The following ITGAL variants were observed in gnomAD, a reference collection of about 807,000 sequenced individuals.
ITGAL encodes integrin subunit alpha L, also known as integrin alpha-L.
A neutral mutation model predicts 138.4 loss-of-function variants in ITGAL; 68 were observed. The observed-to-expected ratio is 0.49, with a 90% CI of 0.40 to 0.60. The LOEUF (loss-of-function observed/expected upper bound fraction) is 0.60. Among genes scored for constraint, ITGAL ranks in the 20% least tolerant of loss-of-function variants. The pLI, the probability that ITGAL is intolerant of heterozygous loss-of-function variation, is 0.00. For synonymous variants in ITGAL, 561 were observed against 584.3 expected, an observed-to-expected ratio of 0.96 and a Z score of 0.57; for missense variants, 1,256 against 1,478.6, an observed-to-expected ratio of 0.85 and a Z score of 2.47.
rs2050768979 is a variant in ITGAL, at chr16:30,494,285, C to G, written c.1287C>G (p.His429Gln). The G allele has an allele frequency of 6.2e-7, 1 of 1,613,600 alleles. No homozygotes were observed. The change falls in exon 12 of 31, where the codon CAC (histidine) becomes CAG (glutamine). Residue 429 changes from histidine to glutamine, a missense_variant. By Grantham distance (24) the His-to-Gln change is conservative. Coordinates refer to ENST00000356798, the MANE Select transcript of ITGAL (RefSeq NM_002209.3). This position sits in a 1 kb window ranked among gnomAD's most constrained non-coding sequence, Gnocchi z 4.2. ...CCTCGGGAGCCCCTCGATACCAGCA[C>G]ATGGGCCGAGTGCTGCTGTTCCAAG... The part of the protein sequence containing the change: ...LLASGAPRYQ[H>Q]MGRVLLFQEP...
chr16:30,511,414 G>A (rs930751007), intron 24 of ITGAL, among the ~76,000 whole-genome samples: 3 of 152,216 alleles, frequency 2.0e-5, no homozygotes, highest in African/African-American at 4.8e-5. Flanking sequence ...GCTGCACTGC[G>A]CAGTTGCTGA....
At position 30,510,439 on chromosome 16, in the gene ITGAL, G is replaced by A. The variant is rs1373646274; in HGVS notation, c.2587G>A (p.Val863Met). 6.2e-7 allele frequency: 1 copy of A among 1,612,124 alleles called. No individual in the cohort carries two copies. The highest frequency in any genetic ancestry group is 1.7e-5 in the Admixed American group (1 of 60,006). The change falls in exon 22 of 31, where the codon GTG (valine) becomes ATG (methionine). Residue 863 changes from valine (V) to methionine (M), a missense_variant. Val to Met is a conservative substitution (Grantham distance 21). This residue lies in a region of ITGAL where 867 missense variants were observed against 972.5 expected (regional missense o/e 0.89). Coordinates refer to ENST00000356798, the MANE Select transcript of ITGAL (RefSeq NM_002209.3). ...TCTGTCCAGGGCATTATCTTGCAAT[G>A]TGAGCTCTCCCATCTTCAAAGCAGG... Reference protein sequence around the residue: ...RLLSRALSCNVSSPIFKAGHS... With the variant: ...RLLSRALSCNMSSPIFKAGHS...
At chr16:30,499,733 A>ATATATATT in intron 17 of ITGAL, among the ~76,000 whole-genome samples, 2 of 88,388 alleles carry the variant, frequency 2.3e-5, no homozygotes, top group Non-Finnish European at 3.8e-5. Flanking sequence ...ATATATATAT[A>ATATATATT]TTTTTTTTTT....
chr16:30,509,103 G>A (rs1280375805), intron 21 of ITGAL, among the ~76,000 whole-genome samples: 1 of 151,530 alleles, frequency 6.6e-6, no homozygotes, highest in African/African-American at 2.4e-5. Flanking sequence ...CTTGAACCCA[G>A]GAGGTGGAGG....
intron 17 of ITGAL, among the ~76,000 whole-genome samples, chr16:30,499,711 ATG>A (rs375717960): frequency 1.1e-5 from 1 of 93,824 alleles, no homozygotes; most frequent in Admixed American, 1.4e-4. Flanking sequence ...ATATATATAT[ATG>A]TATATATATA....
At chr16:30,514,081 G>A (rs2051131170) in intron 25 of ITGAL, among the ~76,000 whole-genome samples, 1 of 152,170 alleles carries the variant, frequency 6.6e-6, no homozygotes, top group Non-Finnish European at 1.5e-5. Context: ...AGAGCAAGGA[G>A]GATGCTGAGA....
rs2051079172 is a variant in ITGAL, at chr16:30,510,870, T to C, written c.2620-11T>C. 9 of 1,612,870 alleles carry C rather than the reference T, an allele frequency of 5.6e-6. No homozygotes were observed. The South Asian group carries it at 7.7e-5, about 14-fold the overall frequency. On this transcript the variant is annotated splice_polypyrimidine_tract_variant and intron_variant, in intron 22 of 30. Transcript: ENST00000356798. ...CCCTTCCATTTCCATTGCCCTCTCCTTTCCTGCCAGGTTGCTCTGCAGATG... is the reference window on the plus strand; with the variant it reads ...CCCTTCCATTTCCATTGCCCTCTCCCTTCCTGCCAGGTTGCTCTGCAGATG...
chr16:30,518,627 T>C lies in ITGAL; in HGVS notation c.3136T>C (p.Ser1046Pro), dbSNP rs2051206973. 8.1e-6 allele frequency: 13 copies of C among 1,612,598 alleles called. No individual in the cohort carries two copies. The highest frequency in any genetic ancestry group is 9.3e-6 in the Non-Finnish European group (11 of 1,178,640). ...ACGCCTTTCCCCGCTCCCACAGGCC[T>C]CTTCCATGTTCAGCCTCTGCAGCTC... ...TLELVGEIEA[S>P]SMFSLCSSLS... is the part of the protein sequence containing the mutation. Residue 1046 changes from serine to proline, a missense_variant, in exon 29 of 31, where the codon TCT (serine) becomes CCT (proline). Ser to Pro is a moderately conservative substitution (Grantham distance 74). Coordinates refer to ENST00000356798, the MANE Select transcript of ITGAL (RefSeq NM_002209.3).
chr16:30,493,588 T>C (rs1464878393), intron 11 of ITGAL, among the ~76,000 whole-genome samples: 2 of 152,224 alleles, frequency 1.3e-5, no homozygotes, highest in South Asian at 4.1e-4. Flanking sequence ...CCATTTTAAT[T>C]TATTATTTAA....
intron 8 of ITGAL, 28 bp downstream of exon 8, chr16:30,483,987 T>C (rs2151147224): frequency 6.2e-7 from 1 of 1,603,826 alleles, no homozygotes; most frequent in Non-Finnish European, 8.5e-7. Context: ...TCCTGCATCA[T>C]ATCTTCCCTC....
intron 9 of ITGAL, 28 bp downstream of exon 9, chr16:30,484,291 C>G: frequency 6.3e-7 from 1 of 1,598,136 alleles, no homozygotes. Flanking sequence ...GGAGAGGGCT[C>G]GGGAGTCTGC....
intron 17 of ITGAL, 159 bp downstream of exon 17, chr16:30,499,648 A>C: frequency 2.6e-6 from 1 of 388,168 alleles, no homozygotes; most frequent in East Asian, 4.5e-5. Context: ...ATTTTCTTCT[A>C]GTGTTTTTTT....
intron 21 of ITGAL, among the ~76,000 whole-genome samples, chr16:30,509,987 C>T (rs2051064454): frequency 6.6e-6 from 1 of 151,688 alleles, no homozygotes; most frequent in Admixed American, 6.6e-5. Context: ...TGCAGTGACC[C>T]GAGATCGCAC....
intron 17 of ITGAL, among the ~76,000 whole-genome samples, chr16:30,501,545 C>G: frequency 6.8e-6 from 1 of 147,568 alleles, no homozygotes; most frequent in Non-Finnish European, 1.5e-5. Context: ...CCATTGCACT[C>G]CAGCCTGAGC....
chr16:30,496,656 T>C (rs2050805394), intron 15 of ITGAL, 90 bp downstream of exon 15: 9 of 1,254,412 alleles, frequency 7.2e-6, no homozygotes, highest in South Asian at 2.0e-5. Context: ...TTTGGTTTTT[T>C]TTAGAGACAG....
rs2050972035 is a variant in ITGAL at position 30,505,391 on chromosome 16, C to T, written c.2295C>T (p.Ile765=). 1 of 1,613,900 alleles carries T rather than the reference C, an allele frequency of 6.2e-7. No homozygotes were observed. Among genetic ancestry groups the T allele is most frequent in the Non-Finnish European group, 8.5e-7 (1 of 1,179,946 alleles). The change falls in exon 20 of 31, where the codon ATC becomes ATT. Residue 765 remains isoleucine, a splice_region_variant and synonymous_variant. Transcript: ENST00000356798. The part of the protein sequence containing the change: ...RPSLHSETWE[I]PFEKNCGEDK... ...CTCCTTTCTTCTTGGTGTTTCAGATCCCTTTTGAGAAGAACTGTGGGGAGG... is the reference window on the plus strand; with the variant it reads ...CTCCTTTCTTCTTGGTGTTTCAGATTCCTTTTGAGAAGAACTGTGGGGAGG...
intron 17 of ITGAL, among the ~76,000 whole-genome samples, chr16:30,500,030 T>C (rs1014613176): frequency 6.7e-6 from 1 of 149,178 alleles, no homozygotes; most frequent in African/African-American, 2.5e-5. Context: ...ATTACAGGCA[T>C]GAGCCATCGC....
chr16:30,521,747 T>C lies in ITGAL; in HGVS notation c.*82T>C. 7.0e-7 allele frequency: 1 copy of C among 1,420,730 alleles called. No individual in the cohort carries two copies. Among genetic ancestry groups the C allele is most frequent in the South Asian group, 1.3e-5 (1 of 77,948 alleles). 88.0% of individuals were successfully genotyped at this position (1,420,730 alleles called of 1,614,324 possible). Reference sequence around the variant, plus strand: ...CTCTGCCTCTGCCTGCATTCTGCCGTGTGCCCTCGGGCGAGTCACTGCCTC... The same window carrying C: ...CTCTGCCTCTGCCTGCATTCTGCCGCGTGCCCTCGGGCGAGTCACTGCCTC... On this transcript the variant is annotated 3_prime_UTR_variant, in exon 31 of 31. Coordinates refer to ENST00000356798, the MANE Select transcript of ITGAL (RefSeq NM_002209.3).
chr16:30,496,511 G>A lies in ITGAL; in HGVS notation c.1777G>A (p.Gly593Arg). 4 of 1,614,170 alleles carry A rather than the reference G, an allele frequency of 2.5e-6. No individual in the cohort carries two copies. Among genetic ancestry groups the A allele is most frequent in the Non-Finnish European group, 3.4e-6 (4 of 1,180,024 alleles). ...CATCCATGGGGTGAAGGACCTTGAA[G>A]GGGATGGCTTGGCAGATGTGGCTGT... ...RSIHGVKDLE[G>R]DGLADVAVGA... The change falls in exon 15 of 31, where the codon GGG becomes AGG. Residue 593 changes from glycine (G) to arginine (R), a missense_variant. This residue lies in a region of ITGAL where 867 missense variants were observed against 972.5 expected (regional missense o/e 0.89). Transcript: ENST00000356798.
Sources: allele counts gnomAD v4.1 joint callset (sites outside exome capture counted in the v4.1 genomes callset), GRCh38; gene constraint gnomAD v4.1.1; regional missense constraint gnomAD v4.1.1; non-coding constraint Gnocchi (gnomAD v3.1); transcripts MANE v1.5; gene names NCBI Gene and HGNC (gene_info 2026-07-23, HGNC 2026-07-21).